The following FOXP2 variants were observed in gnomAD, a reference collection of about 807,000 sequenced individuals.
FOXP2 encodes the protein forkhead box protein P2.
A neutral mutation model predicts 115.8 loss-of-function variants in FOXP2; 12 were observed. That is an observed-to-expected ratio of 0.10 (90% CI 0.07 to 0.17). The LOEUF is 0.17. Among genes scored for constraint, FOXP2 ranks in the 10% least tolerant of loss-of-function variants. The pLI, the probability that FOXP2 is intolerant of heterozygous loss-of-function variation, is 1.00. For missense variants in FOXP2, 629 were observed against 843.5 expected (o/e 0.75, Z 3.15); for synonymous variants, 328 against 297.7 (o/e 1.10, Z -1.05).
chr7:114,134,776 G>A (rs1791991993), intron 1 of FOXP2, among the ~76,000 whole-genome samples: 1 of 151,818 alleles, frequency 6.6e-6, no homozygotes, highest in South Asian at 2.1e-4. Context: ...TCGGGTGAGA[G>A]GTGCCACCTA....
intron 2 of FOXP2, among the ~76,000 whole-genome samples, chr7:114,525,099 A>G (rs2129271679): frequency 6.6e-6 from 1 of 152,274 alleles, no homozygotes; most frequent in East Asian, 1.9e-4. Flanking sequence ...GTAAACTTTC[A>G]GGATTTACAC....
intron 2 of FOXP2, among the ~76,000 whole-genome samples, chr7:114,320,205 A>G (rs1584633755): frequency 6.6e-6 from 1 of 152,126 alleles, no homozygotes; most frequent in East Asian, 1.9e-4. Flanking sequence ...ACTACCCATC[A>G]CTTCCTGAAT....
At chr7:114,633,590 C>T (rs1026081465) in intron 6 of FOXP2, among the ~76,000 whole-genome samples, 94 of 152,012 alleles carry the variant, frequency 6.2e-4, no homozygotes, top group African/African-American at 2.0e-3. Flanking sequence ...GTTGGTTCAC[C>T]GATCAAAGTT....
At chr7:114,223,149 A>C (rs575067766) in intron 1 of FOXP2, among the ~76,000 whole-genome samples, 1 of 152,260 alleles carries the variant, frequency 6.6e-6, no homozygotes, top group South Asian at 2.1e-4. Context: ...GTCACAGGGT[A>C]CACATGTTTA....
At chr7:114,503,532 A>T (rs1300511054) in intron 2 of FOXP2, among the ~76,000 whole-genome samples, 2 of 151,302 alleles carry the variant, frequency 1.3e-5, no homozygotes, top group Admixed American at 1.3e-4. Flanking sequence ...TGCTCTATCA[A>T]CATCAAGGAT....
chr7:114,325,480 A>G (rs943266418), intron 2 of FOXP2, among the ~76,000 whole-genome samples: 1 of 152,022 alleles, frequency 6.6e-6, no homozygotes, highest in Non-Finnish European at 1.5e-5. Context: ...AAGTTAAAAT[A>G]CAAATAATCA....
At chr7:114,646,881 A>T (rs1191335181) in intron 8 of FOXP2, among the ~76,000 whole-genome samples, 4 of 152,028 alleles carry the variant, frequency 2.6e-5, no homozygotes, top group Admixed American at 6.6e-5. Context: ...AGGAAAGCAT[A>T]ATCACTTCGA....
chr7:114,428,044 T>C (rs1452705309), intron 2 of FOXP2, among the ~76,000 whole-genome samples: 2 of 151,636 alleles, frequency 1.3e-5, no homozygotes, highest in East Asian at 3.9e-4. Flanking sequence ...GATAGCCCTT[T>C]TCTGCCTTTG....
At chr7:114,382,611 G>A (rs1283781013) in intron 2 of FOXP2, among the ~76,000 whole-genome samples, 4 of 151,042 alleles carry the variant, frequency 2.6e-5, no homozygotes, top group Non-Finnish European at 4.4e-5. Flanking sequence ...TTTTTATCCC[G>A]TTTGTCCCAT....
At chr7:114,257,561 C>T (rs749739162) in intron 1 of FOXP2, among the ~76,000 whole-genome samples, 3 of 148,208 alleles carry the variant, frequency 2.0e-5, no homozygotes, top group Non-Finnish European at 4.4e-5. Flanking sequence ...TCAGGCGATT[C>T]TCCTGCCTCA....
intron 2 of FOXP2, among the ~76,000 whole-genome samples, chr7:114,291,919 T>A (rs1796607195): frequency 7.0e-6 from 1 of 143,384 alleles, no homozygotes; most frequent in African/African-American, 2.5e-5. Flanking sequence ...GAATATATAT[T>A]ATAGATAATA....
At chr7:114,276,259 G>C (rs914122441) in intron 1 of FOXP2, among the ~76,000 whole-genome samples, 1 of 152,076 alleles carries the variant, frequency 6.6e-6, no homozygotes, top group Non-Finnish European at 1.5e-5. Flanking sequence ...CCTGGTTCAA[G>C]GGATTCTACT....
chr7:114,329,518 T>G (rs1797641244), intron 2 of FOXP2, among the ~76,000 whole-genome samples: 1 of 115,144 alleles, frequency 8.7e-6, no homozygotes. Flanking sequence ...AAACTCCATC[T>G]CGGAAAAAAA....
At chr7:114,590,608 G>A (rs1802393807) in intron 3 of FOXP2, among the ~76,000 whole-genome samples, 1 of 152,132 alleles carries the variant, frequency 6.6e-6, no homozygotes, top group Non-Finnish European at 1.5e-5. Context: ...AAGTGTTAGA[G>A]CCATTTATGA....
At chr7:114,274,083 CT>C (rs1157277855) in intron 1 of FOXP2, among the ~76,000 whole-genome samples, 1 of 150,612 alleles carries the variant, frequency 6.6e-6, no homozygotes, top group Non-Finnish European at 1.5e-5. Flanking sequence ...CATGTCAGTT[CT>C]TTTTTTTTCT....
chr7:114,585,633 A>G (rs1802096105), intron 3 of FOXP2, among the ~76,000 whole-genome samples: 2 of 151,750 alleles, frequency 1.3e-5, no homozygotes, highest in African/African-American at 4.8e-5. Context: ...GGGAAGCTGA[A>G]GTGGGCAGAT....
chr7:114,441,650 C>T (rs1794612459), intron 2 of FOXP2, among the ~76,000 whole-genome samples: 3 of 152,144 alleles, frequency 2.0e-5, no homozygotes, highest in Admixed American at 2.0e-4. Context: ...ATAAAGAGCA[C>T]TTACAACTCA....
At chr7:114,373,818 T>C (rs2129190059) in intron 2 of FOXP2, among the ~76,000 whole-genome samples, 1 of 152,356 alleles carries the variant, frequency 6.6e-6, no homozygotes, top group East Asian at 1.9e-4. Flanking sequence ...CAGTGTTCTA[T>C]CCACAGCATT....
chr7:114,689,272 T>C (rs1344302675), intron 16 of FOXP2, among the ~76,000 whole-genome samples: 1 of 152,074 alleles, frequency 6.6e-6, no homozygotes, highest in East Asian at 1.9e-4. Flanking sequence ...TTTCTGAAAT[T>C]TGTTAGTATT....
Sources: gnomAD v4.1 joint callset for allele counts (sites outside exome capture counted in the v4.1 genomes callset) on GRCh38, gnomAD v4.1.1 for gene constraint, MANE v1.5 for transcripts, NCBI Gene and HGNC (gene_info 2026-07-23, HGNC 2026-07-21) for gene names.